MANBA: variants seen among roughly 807,000 people sequenced by gnomAD.
The protein encoded by MANBA is beta-mannosidase.
A neutral mutation model predicts 111.1 loss-of-function variants in MANBA; 83 were observed. The ratio of observed to expected loss-of-function variants is 0.75; its 90% CI spans 0.63 to 0.90. The LOEUF (loss-of-function observed/expected upper bound fraction) is 0.90, where lower values mean the gene tolerates loss of function less well. Among genes scored for constraint, MANBA ranks in the 40% least tolerant of loss-of-function variants. The pLI is 0.00. For synonymous variants in MANBA, 370 were observed against 378.7 expected (o/e 0.98, Z 0.27); for missense variants, 1,036 against 1,069.0 (o/e 0.97, Z 0.43).
intron 1 of MANBA, among the ~76,000 whole-genome samples, chr4:102,736,583 C>T (rs141643418): frequency 8.0e-4 from 122 of 152,272 alleles, no homozygotes; most frequent in African/African-American, 2.7e-3. Flanking sequence ...TGTTTACAGG[C>T]GTTGTTTTCT....
At chr4:102,632,917 C>T (rs535886893) in intron 16 of MANBA, among the ~76,000 whole-genome samples, 2 of 152,314 alleles carry the variant, frequency 1.3e-5, no homozygotes, top group Non-Finnish European at 2.9e-5. Flanking sequence ...AGTGAGGATG[C>T]GCTGCTCCCC....
chr4:102,689,565 C>G lies in MANBA; in HGVS notation c.960+9G>C. The G allele has an allele frequency of 6.2e-6, 9 of 1,459,270 alleles. No homozygotes were observed. Among genetic ancestry groups the G allele is most frequent in the Non-Finnish European group, 8.6e-6 (9 of 1,044,910 alleles). The allele number at this position is 1,459,270 out of a possible 1,614,324, so 90.4% of individuals were successfully genotyped here. On this transcript the variant is annotated intron_variant, in intron 7 of 16. Transcript: ENST00000647097. ...TTATTTCACAAAATATTTTAAATTA[C>G]TTACTTACCTTAGCTGATTTTTCAA...
chr4:102,684,130 C>T (rs1378722852), intron 7 of MANBA, among the ~76,000 whole-genome samples: 1 of 151,056 alleles, frequency 6.6e-6, no homozygotes, highest in Non-Finnish European at 1.5e-5. Flanking sequence ...AAATCCTAAA[C>T]ACGTTTCTAA....
rs4586937 is a variant in MANBA, at chr4:102,635,305, G to C, written c.2158-260C>G. Among the ~76,000 whole-genome samples the C allele has an allele frequency of 0.53, 81,123 of 151,998 alleles. 21,942 individuals carry two copies. Among genetic ancestry groups the C allele is most frequent in the Admixed American group, 0.61 (9,363 of 15,274 alleles). Reference sequence around the variant, plus strand: ...AGAATTTAAAAAATAATCCACGGAAGGCACAGTACCTGGTGCGTTGTAATT... The same window carrying C: ...AGAATTTAAAAAATAATCCACGGAACGCACAGTACCTGGTGCGTTGTAATT... On this transcript the variant is annotated intron_variant, in intron 15 of 16. Transcript: ENST00000647097.
intron 16 of MANBA, 105 bp from the exon 17 acceptor site, chr4:102,632,386 C>A: frequency 2.2e-6 from 2 of 900,882 alleles, no homozygotes; most frequent in Non-Finnish European, 1.8e-6. Context: ...AAGGAGTCCA[C>A]TTCCCACAAC....
At chr4:102,753,334 T>G (rs556692489) in intron 1 of MANBA, among the ~76,000 whole-genome samples, 16 of 152,294 alleles carry the variant, frequency 1.1e-4, no homozygotes, top group African/African-American at 3.8e-4. Flanking sequence ...TTTTTCTTCC[T>G]TCTTTATATT....
At chr4:102,728,954 T>G (rs1294759156) in intron 1 of MANBA, 1 of 784,766 alleles carries the variant, frequency 1.3e-6, no homozygotes, top group Non-Finnish European at 2.3e-6. Flanking sequence ...ACTCATGTTC[T>G]GCATCCCAGA....
chr4:102,637,747 C>T (rs971816651), intron 14 of MANBA, among the ~76,000 whole-genome samples: 4 of 152,180 alleles, frequency 2.6e-5, no homozygotes, highest in African/African-American at 4.8e-5. Context: ...TCTCTTCATA[C>T]GGCTGTTTAT....
At chr4:102,671,146 C>A (rs111897970) in intron 9 of MANBA, 135 bp downstream of exon 9, 3 of 688,442 alleles carry the variant, frequency 4.4e-6, no homozygotes, top group Non-Finnish European at 8.0e-6. Flanking sequence ...TTACAAGATG[C>A]CATTTATTCC....
intron 11 of MANBA, chr4:102,662,489 G>A (rs1264102184): frequency 6.7e-6 from 1 of 148,542 alleles, no homozygotes; most frequent in African/African-American, 2.5e-5. Context: ...AGCTTGCAGT[G>A]AGCCAAGACC....
At chr4:102,651,925 C>T (rs228627) in intron 12 of MANBA, among the ~76,000 whole-genome samples, 65,959 of 151,900 alleles carry the variant, frequency 0.43, 14,759 homozygotes, top group South Asian at 0.53. Flanking sequence ...AGTCTTCCTA[C>T]GCTTCCTCCT....
intron 5 of MANBA, among the ~76,000 whole-genome samples, chr4:102,700,260 T>A (rs371050816): frequency 1.3e-3 from 191 of 144,050 alleles, no homozygotes; most frequent in South Asian, 1.8e-3. Flanking sequence ...TTTTTCTTTA[T>A]TAGTCTTGCT....
chr4:102,657,671 C>T lies in MANBA; in HGVS notation c.1704+11G>A, dbSNP rs1221478146. 21 of 1,579,206 alleles carry T rather than the reference C, an allele frequency of 1.3e-5. No homozygotes were observed. The highest frequency in any genetic ancestry group is 9.4e-5 in the African/African-American group (7 of 74,122). On this transcript the variant is annotated intron_variant, in intron 12 of 16. Coordinates refer to ENST00000647097, the MANE Select transcript of MANBA (RefSeq NM_005908.4). ...CATTCTGAAACATTAGAAAATCAAA[C>T]GATGACTTACCTTTTCTAATGTACT... is the stretch of plus-strand genomic sequence containing the variant.
rs75110398 is a variant in MANBA, at chr4:102,639,102, T to G, written c.2014+611A>C. ...TAGATGGGATAATTCGAACTGCAGG[T>G]TCCATGCCAGTCATCTCACCTGTTG... On this transcript the variant is annotated intron_variant, in intron 14 of 16. Coordinates refer to ENST00000647097, the MANE Select transcript of MANBA (RefSeq NM_005908.4). 9.1e-3 allele frequency among the ~76,000 whole-genome samples: 1,378 copies of G among 152,262 alleles called. 18 individuals carry two copies. The highest frequency in any genetic ancestry group is 0.032 in the African/African-American group (1,324 of 41,546).
intron 7 of MANBA, among the ~76,000 whole-genome samples, chr4:102,681,158 T>C (rs1731960812): frequency 6.6e-6 from 1 of 152,064 alleles, no homozygotes; most frequent in South Asian, 2.1e-4. Flanking sequence ...TGTCTGCACC[T>C]AAGGCTAACT....
chr4:102,747,685 T>G (rs779137626), intron 1 of MANBA, among the ~76,000 whole-genome samples: 5 of 152,190 alleles, frequency 3.3e-5, no homozygotes, highest in Non-Finnish European at 5.9e-5. Context: ...AGCCCACGAG[T>G]CTGGCAACAT....
chr4:102,700,205 T>A (rs1398336914), intron 5 of MANBA, among the ~76,000 whole-genome samples: 1 of 151,874 alleles, frequency 6.6e-6, no homozygotes, highest in Non-Finnish European at 1.5e-5. Flanking sequence ...GGTGGTGATA[T>A]CCCCTTTATC....
At chr4:102,727,321 T>C (rs1324605137) in intron 1 of MANBA, 4 of 659,268 alleles carry the variant, frequency 6.1e-6, no homozygotes, top group Non-Finnish European at 5.5e-6. Flanking sequence ...CTCTCATTGA[T>C]ATAGTTCTCA....
chr4:102,709,274 AAAAG>A (rs1191243683), intron 5 of MANBA, among the ~76,000 whole-genome samples: 2 of 82,602 alleles, frequency 2.4e-5, no homozygotes, highest in Admixed American at 1.4e-4. Flanking sequence ...AGAGAGAAAG[AAAAG>A]AAAGAAAGGA....
Sources: gnomAD v4.1 joint callset for allele counts (sites outside exome capture counted in the v4.1 genomes callset) on GRCh38, gnomAD v4.1.1 for gene constraint, MANE v1.5 for transcripts, NCBI Gene and HGNC (gene_info 2026-07-23, HGNC 2026-07-21) for gene names.